Variants in ADAMTS2 observed in about 807,000 individuals in gnomAD.
ADAMTS2 encodes the protein A disintegrin and metalloproteinase with thrombospondin motifs 2.
Under a neutral mutation model 123.0 loss-of-function variants are expected in ADAMTS2, and 50 were observed. The ratio of observed to expected loss-of-function variants is 0.41; its 90% CI spans 0.32 to 0.51. The LOEUF (loss-of-function observed/expected upper bound fraction) is 0.51, where lower values mean the gene tolerates loss of function less well. ADAMTS2 is among the 20% of genes least tolerant of loss of function. The pLI is 0.35. For missense variants in ADAMTS2, 1,494 were observed against 1,705.2 expected, an observed-to-expected ratio of 0.88 and a Z score of 2.18; for synonymous variants, 678 against 695.4, an observed-to-expected ratio of 0.98 and a Z score of 0.39.
Position 179,242,214 on chromosome 5 carries a change from TAGG to T in ADAMTS2, c.688+30694_688+30696del, listed in dbSNP as rs1228741293. Among the ~76,000 whole-genome samples the T allele has an allele frequency of 2.0e-5, 3 of 152,186 alleles. No individual in the cohort carries two copies. Among genetic ancestry groups the T allele is most frequent in the African/African-American group, 7.2e-5 (3 of 41,438 alleles). On this transcript the variant is annotated intron_variant, in intron 3 of 21. Coordinates refer to ENST00000251582, the MANE Select transcript of ADAMTS2 (RefSeq NM_014244.5). The surrounding 1 kb of genome is among the most constrained non-coding windows in gnomAD (Gnocchi z 4.2). ...GTCTCTGCAGAAGAGAGCCAAGTCC[TAGG>T]AGGAGGAGAGACGCTGAGCCTTGGC... is the stretch of plus-strand genomic sequence containing the variant.
In ADAMTS2 at chr5:179,202,652, C is replaced by G. The variant is rs2113363625; in HGVS notation, c.891+4861G>C. Among the ~76,000 whole-genome samples, 1 of 152,086 alleles carries G rather than the reference C, an allele frequency of 6.6e-6. No individual in the cohort carries two copies. The highest frequency in any genetic ancestry group is 6.5e-5 in the Admixed American group (1 of 15,268). On this transcript the variant is annotated intron_variant, in intron 4 of 21. Transcript: ENST00000251582. This position sits in a 1 kb window ranked among gnomAD's most constrained non-coding sequence, Gnocchi z 4.0. ...ATGAACGGCAGCCAGGGGCACCAGA[C>G]AGAGGAGGATGGCTATGCCGAGAAT...
At chr5:179,319,637 T>C (rs1362742496) in intron 2 of ADAMTS2, among the ~76,000 whole-genome samples, 4 of 152,004 alleles carry the variant, frequency 2.6e-5, no homozygotes, top group Non-Finnish European at 5.9e-5. Flanking sequence ...TTATTTGGCC[T>C]TTTGCTTATT....
At chr5:179,277,069 C>A (rs568296281) in intron 2 of ADAMTS2, among the ~76,000 whole-genome samples, 1 of 152,252 alleles carries the variant, frequency 6.6e-6, no homozygotes, top group African/African-American at 2.4e-5. Context: ...TGCCCTGGGC[C>A]TTGCCTCCTG....
intron 2 of ADAMTS2, among the ~76,000 whole-genome samples, chr5:179,336,798 G>A (rs74407254): frequency 0.015 from 2,248 of 152,296 alleles, 71 homozygotes; most frequent in African/African-American, 0.05. Flanking sequence ...TGCCGGTCAC[G>A]AGGAGCACAG....
chr5:179,205,489 C>T (rs939791830), intron 4 of ADAMTS2, among the ~76,000 whole-genome samples: 3 of 152,360 alleles, frequency 2.0e-5, no homozygotes, highest in African/African-American at 7.2e-5. Context: ...ACGGGAGCAG[C>T]GTTCCCAACG....
intron 2 of ADAMTS2, among the ~76,000 whole-genome samples, chr5:179,313,643 C>T (rs1230579567): frequency 1.4e-4 from 3 of 21,444 alleles, no homozygotes; most frequent in African/African-American, 3.9e-4. Context: ...CACACCGAGA[C>T]AGAGGAGGGC....
Position 179,343,941 on chromosome 5 carries a change from CA to C in ADAMTS2, c.359del (p.Leu120ArgfsTer45). 1 of 1,610,630 alleles carries C rather than the reference CA, an allele frequency of 6.2e-7. No individual in the cohort carries two copies. The highest frequency in any genetic ancestry group is 8.5e-7 in the Non-Finnish European group (1 of 1,179,256). On this transcript the variant is annotated frameshift_variant, in exon 2 of 22. Coordinates refer to ENST00000251582, the MANE Select transcript of ADAMTS2 (RefSeq NM_014244.5). LOFTEE classifies it high-confidence loss of function. ...FYNVTVFGRD[L>X]HLRLRPNARL... ...GGGCGTTGGGCCGCAGCCGCAGGTG[CA>C]GGTCTCGGCCAAAGACCGTGACATT...
rs892163060 is a variant in ADAMTS2 at position 179,189,604 on chromosome 5, G to A, written c.892-8449C>T. On this transcript the variant is annotated intron_variant, in intron 4 of 21. Transcript: ENST00000251582. This position sits in a 1 kb window ranked among gnomAD's most constrained non-coding sequence, Gnocchi z 4.2. ...GATCTCCTGACTTCATGATCTGCCC[G>A]CCTCGGCCTCCCAAAGTGCTGGGAT... Among the ~76,000 whole-genome samples, 13 of 133,054 alleles carry A rather than the reference G, an allele frequency of 9.8e-5. No individual in the cohort carries two copies. The highest frequency in any genetic ancestry group is 2.0e-4 in the African/African-American group (7 of 35,732). The allele number at this position is 133,054 out of a possible 152,430, so 87.3% of individuals were successfully genotyped here. A position where few individuals can be genotyped will look rare whatever the true frequency, so the allele number is the denominator to read the frequency against.
intron 2 of ADAMTS2, among the ~76,000 whole-genome samples, chr5:179,341,031 C>G (rs1757757714): frequency 6.6e-6 from 1 of 152,174 alleles, no homozygotes; most frequent in Middle Eastern, 3.2e-3. Flanking sequence ...TGAATAACTT[C>G]CGTCTAGTCA....
chr5:179,292,926 C>T (rs1385511521), intron 2 of ADAMTS2, among the ~76,000 whole-genome samples: 1 of 152,170 alleles, frequency 6.6e-6, no homozygotes, highest in Non-Finnish European at 1.5e-5. Context: ...GAGTTGAGGT[C>T]AGTTTTGCCA....
chr5:179,168,805 A>G (rs1361566773), intron 5 of ADAMTS2, among the ~76,000 whole-genome samples: 3 of 152,182 alleles, frequency 2.0e-5, no homozygotes, highest in African/African-American at 7.2e-5. Context: ...GGCTCCCCCA[A>G]GGCTGGAGGT....
At chr5:179,135,790 C>T in intron 13 of ADAMTS2, 119 bp downstream of exon 13, 1 of 1,475,722 alleles carries the variant, frequency 6.8e-7, no homozygotes. Flanking sequence ...GGCATTGTTT[C>T]TGACACTTCG....
chr5:179,230,942 C>T (rs944571407), intron 3 of ADAMTS2, among the ~76,000 whole-genome samples: 1 of 149,520 alleles, frequency 6.7e-6, no homozygotes, highest in Non-Finnish European at 1.5e-5. Context: ...ACCCGGGAGG[C>T]GGAGGTTGCA....
chr5:179,135,966 G>C lies in ADAMTS2; in HGVS notation c.2028C>G (p.Asp676Glu). 2 of 1,613,058 alleles carry C rather than the reference G, an allele frequency of 1.2e-6. No homozygotes were observed. Among genetic ancestry groups the C allele is most frequent in the Non-Finnish European group, 1.7e-6 (2 of 1,179,974 alleles). Residue 676 changes from aspartate (D) to glutamate (E), a missense_variant, in exon 13 of 22, where the codon GAC becomes GAG. This residue lies in a region of ADAMTS2 where 953 missense variants were observed against 1,124.7 expected (regional missense o/e 0.85). Coordinates refer to ENST00000251582, the MANE Select transcript of ADAMTS2 (RefSeq NM_014244.5). ...EVVSMKRMVH[D>E]GTRCSYKDAF... The stretch of plus-strand genomic sequence containing the variant: ...CGTCCTTGTAGGAGCAGCGCGTCCC[G>C]TCATGCACCATGCGCTTCATGGACA...
At chr5:179,191,934 T>C (rs986882539) in intron 4 of ADAMTS2, among the ~76,000 whole-genome samples, 4 of 152,092 alleles carry the variant, frequency 2.6e-5, no homozygotes, top group African/African-American at 9.7e-5. Context: ...AGGGCGTGGG[T>C]AGCTGGCACT....
chr5:179,225,007 C>T lies in ADAMTS2; in HGVS notation c.689-17292G>A, dbSNP rs1419646640. On this transcript the variant is annotated intron_variant, in intron 3 of 21. Transcript: ENST00000251582. The surrounding 1 kb of genome is among the most constrained non-coding windows in gnomAD (Gnocchi z 4.5). ...TCACAGTGGCTGAAGCTTCCCGGGC[C>T]GCAGTTCACGCCCCACTTGTTTCTC... is the stretch of plus-strand genomic sequence containing the variant. 6.6e-6 allele frequency among the ~76,000 whole-genome samples: 1 copy of T among 152,214 alleles called. No individual in the cohort carries two copies. Among genetic ancestry groups the T allele is most frequent in the African/African-American group, 2.4e-5 (1 of 41,446 alleles).
intron 17 of ADAMTS2, 93 bp from the exon 18 acceptor site, chr5:179,126,223 G>A (rs1332924583): frequency 1.6e-5 from 25 of 1,544,414 alleles, no homozygotes; most frequent in Middle Eastern, 3.5e-4. Context: ...TGCTGGCCTC[G>A]TTTTCCTGCT....
intron 3 of ADAMTS2, among the ~76,000 whole-genome samples, chr5:179,208,349 G>A (rs11950051): frequency 0.078 from 11,937 of 152,218 alleles, 1,119 homozygotes; most frequent in East Asian, 0.28. Flanking sequence ...CCACTGAAGC[G>A]AGGCCCCACA....
chr5:179,324,407 T>TTC (rs1240639557), intron 2 of ADAMTS2, among the ~76,000 whole-genome samples: 3 of 151,688 alleles, frequency 2.0e-5, no homozygotes, highest in African/African-American at 7.3e-5. Flanking sequence ...TTTTTTTTTT[T>TTC]TGAGACAGAG....
Sources: gnomAD v4.1 joint callset for allele counts (sites outside exome capture counted in the v4.1 genomes callset) on GRCh38, gnomAD v4.1.1 for gene constraint, gnomAD v4.1.1 regional missense constraint, Gnocchi (gnomAD v3.1) non-coding constraint, MANE v1.5 for transcripts, NCBI Gene and HGNC (gene_info 2026-07-23, HGNC 2026-07-21) for gene names.